The following MAGI2 variants were observed in gnomAD, a reference collection of about 807,000 sequenced individuals.
The protein encoded by MAGI2 is membrane-associated guanylate kinase, WW and PDZ domain-containing protein 2.
Under a neutral mutation model 133.3 loss-of-function variants are expected in MAGI2, and 35 were observed. The observed-to-expected ratio is 0.26, with a 90% CI of 0.20 to 0.35. The LOEUF is 0.35. Among genes scored for constraint, MAGI2 ranks in the 10% least tolerant of loss-of-function variants. The pLI is 1.00. For synonymous variants in MAGI2, 729 were observed against 710.6 expected (o/e 1.03, Z -0.41); for missense variants, 1,636 against 1,863.4 (o/e 0.88, Z 2.25).
intron 10 of MAGI2, among the ~76,000 whole-genome samples, chr7:78,208,943 C>T (rs917356107): frequency 6.6e-6 from 1 of 151,946 alleles, no homozygotes; most frequent in East Asian, 2.0e-4. Context: ...AGGAACCTGG[C>T]CGGGCGCGGT....
intron 6 of MAGI2, among the ~76,000 whole-genome samples, chr7:78,393,606 T>A (rs1376119585): frequency 1.3e-5 from 2 of 152,194 alleles, no homozygotes; most frequent in African/African-American, 2.4e-5. Flanking sequence ...TTGTTTGCAC[T>A]CAAGAACTCT....
intron 6 of MAGI2, among the ~76,000 whole-genome samples, chr7:78,429,502 G>T (rs1799592405): frequency 6.6e-6 from 1 of 151,990 alleles, no homozygotes; most frequent in Non-Finnish European, 1.5e-5. Flanking sequence ...CCTATGAGAA[G>T]CTAATAGACT....
At chr7:78,254,922 C>A (rs1333511481) in intron 10 of MAGI2, 1 of 152,230 alleles carries the variant, frequency 6.6e-6, no homozygotes, top group African/African-American at 2.4e-5. Context: ...TGGGCTACAA[C>A]ACTACCACTG....
chr7:79,314,055 C>A (rs182334461), intron 1 of MAGI2, among the ~76,000 whole-genome samples: 5 of 152,180 alleles, frequency 3.3e-5, no homozygotes, highest in East Asian at 3.9e-4. Flanking sequence ...CTCACTGCAA[C>A]CTCTGCCTCC....
rs115368477 is a variant in MAGI2 at position 79,155,109 on chromosome 7, C to T, written c.302-147903G>A. Among the ~76,000 whole-genome samples the T allele has an allele frequency of 4.7e-3, 711 of 152,230 alleles. 6 individuals carry two copies. Among genetic ancestry groups the T allele is most frequent in the African/African-American group, 0.016 (663 of 41,542 alleles). Reference sequence around the variant, plus strand: ...ACATCCCATGGCATCAAAGTAATAGCAATAATGCCAGCTGGTTTGCAGGCA... The same window carrying T: ...ACATCCCATGGCATCAAAGTAATAGTAATAATGCCAGCTGGTTTGCAGGCA... On this transcript the variant is annotated intron_variant, in intron 1 of 21. Transcript: ENST00000354212.
chr7:78,578,545 T>C (rs1279447749), intron 3 of MAGI2, among the ~76,000 whole-genome samples: 1 of 151,938 alleles, frequency 6.6e-6, no homozygotes, highest in Non-Finnish European at 1.5e-5. Flanking sequence ...GAATAAAAAA[T>C]GGAGGATTAT....
At chr7:78,379,554 A>T (rs7790832) in intron 6 of MAGI2, among the ~76,000 whole-genome samples, 124,129 of 151,970 alleles carry the variant, frequency 0.82, 50,804 homozygotes, top group Admixed American at 0.85. Context: ...TTCACAAAAC[A>T]GTAACTACAG....
chr7:79,264,012 T>C (rs531954926), intron 1 of MAGI2, among the ~76,000 whole-genome samples: 1 of 152,298 alleles, frequency 6.6e-6, no homozygotes, highest in East Asian at 1.9e-4. Context: ...GAGAGTCATA[T>C]ATGTGATTTA....
chr7:78,141,651 C>T (rs936342419), intron 16 of MAGI2, among the ~76,000 whole-genome samples: 2 of 152,104 alleles, frequency 1.3e-5, no homozygotes, highest in Non-Finnish European at 2.9e-5. Context: ...ATATGCAAAA[C>T]CCAAAATCAA....
chr7:78,999,303 CTTT>C (rs201222938), intron 2 of MAGI2, among the ~76,000 whole-genome samples: 10 of 145,638 alleles, frequency 6.9e-5, no homozygotes, highest in African/African-American at 2.3e-4. Context: ...GTGCTTATTC[CTTT>C]TTTTTTTTCG....
chr7:79,017,599 G>A (rs1039159681), intron 1 of MAGI2, among the ~76,000 whole-genome samples: 2 of 152,132 alleles, frequency 1.3e-5, no homozygotes. Context: ...TGGCTGAAAT[G>A]ATAGAAATAA....
intron 1 of MAGI2, among the ~76,000 whole-genome samples, chr7:79,120,721 T>C (rs1819821004): frequency 6.6e-6 from 1 of 152,040 alleles, no homozygotes. Context: ...GAATGACTCA[T>C]TTAGTGGTTG....
At chr7:79,149,068 T>G (rs990308620) in intron 1 of MAGI2, among the ~76,000 whole-genome samples, 4 of 144,072 alleles carry the variant, frequency 2.8e-5, no homozygotes, top group African/African-American at 1.0e-4. Context: ...ATATAATATA[T>G]TATATATATG....
chr7:79,193,567 T>C (rs1468998656), intron 1 of MAGI2, among the ~76,000 whole-genome samples: 2 of 151,948 alleles, frequency 1.3e-5, no homozygotes, highest in African/African-American at 4.8e-5. Flanking sequence ...TTGCACAATG[T>C]AAAAATGAAT....
At chr7:78,255,088 C>G (rs148404096) in intron 10 of MAGI2, 1 of 152,302 alleles carries the variant, frequency 6.6e-6, no homozygotes, top group Non-Finnish European at 1.5e-5. Flanking sequence ...TCCTCTTTAT[C>G]TATGGCCCCT....
intron 21 of MAGI2, among the ~76,000 whole-genome samples, chr7:78,057,874 G>A (rs1249496153): frequency 6.7e-6 from 1 of 150,304 alleles, no homozygotes; most frequent in Non-Finnish European, 1.5e-5. Flanking sequence ...GTATGCCCAG[G>A]GGTAACAAGC....
chr7:78,244,417 T>A (rs903881226), intron 10 of MAGI2, among the ~76,000 whole-genome samples: 1 of 151,708 alleles, frequency 6.6e-6, no homozygotes, highest in African/African-American at 2.4e-5. Flanking sequence ...AAGGGTACCC[T>A]TCCTCCCACC....
chr7:78,303,371 C>CT (rs1797997722), intron 9 of MAGI2, among the ~76,000 whole-genome samples: 1 of 105,488 alleles, frequency 9.5e-6, no homozygotes, highest in Non-Finnish European at 1.8e-5. Flanking sequence ...AAGAGCAAAA[C>CT]TGTCTCCAAA....
At chr7:78,254,131 T>TG (rs1024777915) in intron 10 of MAGI2, 37 of 152,080 alleles carry the variant, frequency 2.4e-4, no homozygotes, top group African/African-American at 8.2e-4. Flanking sequence ...GTGGAGTAAA[T>TG]GGGGGGCAAA....
Sources: gnomAD v4.1 joint callset for allele counts (sites outside exome capture counted in the v4.1 genomes callset) on GRCh38, gnomAD v4.1.1 for gene constraint, MANE v1.5 for transcripts, NCBI Gene and HGNC (gene_info 2026-07-23, HGNC 2026-07-21) for gene names.